CARNS1: variants seen among roughly 807,000 people sequenced by gnomAD.
The protein encoded by CARNS1 is ATP-grasp domain containing 1.
CARNS1 carries 61 observed loss-of-function variants against 74.0 expected under a neutral mutation model. That is an observed-to-expected ratio of 0.82 (90% confidence interval 0.67 to 1.02). The LOEUF is 1.02. Among genes scored for constraint, CARNS1 ranks in the 50% least tolerant of loss-of-function variants. The pLI is 0.00. For missense variants in CARNS1, 1,278 were observed against 1,308.4 expected (o/e 0.98, Z 0.36); for synonymous variants, 568 against 605.5 (o/e 0.94, Z 0.91).
Position 67,416,195 on chromosome 11 carries a change from A to G in CARNS1, c.-5A>G, listed in dbSNP as rs1411062374. ...CATCAGTCTCTCAGCCACTCCACCC[A>G]CGAGATGGTGAGTCTTCTGTGGTCC... On this transcript the variant is annotated 5_prime_UTR_variant, in exon 2 of 10. Transcript: ENST00000687366. 1.8e-5 allele frequency: 27 copies of G among 1,534,376 alleles called. No individual in the cohort carries two copies. Among genetic ancestry groups the G allele is most frequent in the Non-Finnish European group, 2.4e-5 (27 of 1,144,528 alleles).
intron 7 of CARNS1, 111 bp downstream of exon 7, chr11:67,419,949 C>A: frequency 1.9e-6 from 2 of 1,078,808 alleles, no homozygotes; most frequent in Non-Finnish European, 1.4e-6. Context: ...AGGACAAAAT[C>A]CTTAGGGGGG....
In CARNS1 at chr11:67,419,029, G is replaced by A. The variant is rs763988758; in HGVS notation, c.638G>A (p.Arg213Gln). 37 of 1,557,468 alleles carry A rather than the reference G, an allele frequency of 2.4e-5. No individual in the cohort carries two copies. Among genetic ancestry groups the A allele is most frequent in the Admixed American group, 2.1e-4 (11 of 51,964 alleles). Residue 213 changes from arginine to glutamine, a missense_variant, in exon 5 of 10, where the codon CGG (arginine) becomes CAG (glutamine). This residue lies in a region of CARNS1 where 1,164 missense variants were observed against 1,156.5 expected (regional missense o/e 1.01). Coordinates refer to ENST00000687366, the MANE Select transcript of CARNS1 (RefSeq NM_001166222.2). The stretch of plus-strand genomic sequence containing the variant: ...GAGCTGGCCCGGCTGCTGGAGGACC[G>A]GCTGCTGACAAGGCAGTTGCTGGCC... ...SAELARLLED[R>Q]LLTRQLLAQQ...
In CARNS1 at chr11:67,420,790, G is replaced by C. The variant is rs1863674489; in HGVS notation, c.1295G>C (p.Gly432Ala). 10 of 1,234,806 alleles carry C rather than the reference G, an allele frequency of 8.1e-6. No homozygotes were observed. The highest frequency in any genetic ancestry group is 1.0e-5 in the Non-Finnish European group (10 of 991,220). 76.5% of individuals were successfully genotyped at this position (1,234,806 alleles called of 1,614,324 possible). The change falls in exon 8 of 10, where the codon GGC (glycine) becomes GCC (alanine). Residue 432 changes from glycine to alanine, a missense_variant. Gly to Ala is a moderately conservative substitution (Grantham distance 60). Around this residue, in one of 3 missense-constraint regions of CARNS1, gnomAD observed 1,164 missense variants for 1,156.5 expected, o/e 1.01. Coordinates refer to ENST00000687366, the MANE Select transcript of CARNS1 (RefSeq NM_001166222.2). Reference sequence around the variant, plus strand: ...GCCGCCGTGCTGGCTCTGGAGGCCGGCCTGAGTGCCGAGCAGCGCGGCGGG... The same window carrying C: ...GCCGCCGTGCTGGCTCTGGAGGCCGCCCTGAGTGCCGAGCAGCGCGGCGGG... ...ALAAVLALEAGLSAEQRGGRR... is the reference protein window; with the variant it reads ...ALAAVLALEAALSAEQRGGRR...
At chr11:67,419,945 A>T in intron 7 of CARNS1, 107 bp downstream of exon 7, 1 of 1,145,586 alleles carries the variant, frequency 8.7e-7, no homozygotes, top group Non-Finnish European at 1.3e-6. Context: ...AGAGAGGACA[A>T]AATCCTTAGG....
chr11:67,419,295 A>C, intron 5 of CARNS1, 52 bp downstream of exon 5: 1 of 1,467,282 alleles, frequency 6.8e-7, no homozygotes, highest in Non-Finnish European at 9.0e-7. Flanking sequence ...GCAGGATGGG[A>C]CCCAGGCACG....
intron 1 of CARNS1, chr11:67,415,974 C>T (rs1308442617): frequency 7.1e-6 from 4 of 565,216 alleles, no homozygotes; most frequent in Non-Finnish European, 1.3e-5. Context: ...ACCTGTGAGC[C>T]GCACTGGGGC....
At chr11:67,416,683 G>T in intron 2 of CARNS1, 2 of 989,630 alleles carry the variant, frequency 2.0e-6, no homozygotes, top group African/African-American at 3.5e-5. Flanking sequence ...TGCCAGGCCT[G>T]TCCAGGCCTG....
At position 67,418,925 on chromosome 11, in the gene CARNS1, C is replaced by A; in HGVS notation, c.534C>A (p.Gly178=). The change falls in exon 5 of 10, where the codon GGC becomes GGA. Residue 178 remains glycine, a synonymous_variant. Transcript: ENST00000687366. Reference sequence around the variant, plus strand: ...GCCGTGCCACCTACTTTTTGGCAGGCCTGGGCCTGGGGCCTGGCCGGGGCC... The same window carrying A: ...GCCGTGCCACCTACTTTTTGGCAGGACTGGGCCTGGGGCCTGGCCGGGGCC... ...PPRRATYFLA[G]LGLGPGRGRE... is the part of the protein sequence containing the mutation. 1 of 1,585,016 alleles carries A rather than the reference C, an allele frequency of 6.3e-7. No homozygotes were observed. Among genetic ancestry groups the A allele is most frequent in the Non-Finnish European group, 8.6e-7 (1 of 1,165,534 alleles).
intron 8 of CARNS1, 34 bp from the exon 9 acceptor site, chr11:67,420,905 C>A (rs1426300167): frequency 1.5e-6 from 2 of 1,353,880 alleles, no homozygotes; most frequent in Non-Finnish European, 1.9e-6. Context: ...GCGGTGGCTG[C>A]CGTAGCTGAG....
At position 67,418,514 on chromosome 11, in the gene CARNS1, A is replaced by G; in HGVS notation, c.358A>G (p.Ser120Gly). 6.6e-7 allele frequency: 1 copy of G among 1,526,248 alleles called. No homozygotes were observed. Among genetic ancestry groups the G allele is most frequent in the Non-Finnish European group, 8.8e-7 (1 of 1,140,752 alleles). The allele number at this position is 1,526,248 out of a possible 1,614,324, so 94.5% of individuals were successfully genotyped here. Reference sequence around the variant, plus strand: ...TGTGCTGCTGGAGGGTGGGGTCCAGAGCCCGGGTGAGTGTATGCTCAAGTT... The same window carrying G: ...TGTGCTGCTGGAGGGTGGGGTCCAGGGCCCGGGTGAGTGTATGCTCAAGTT... ...LPVLLEGGVQ[S>G]PGNMLLCLSP... The change falls in exon 4 of 10, where the codon AGC becomes GGC. Residue 120 changes from serine (S) to glycine (G), a missense_variant. Coordinates refer to ENST00000687366, the MANE Select transcript of CARNS1 (RefSeq NM_001166222.2).
At position 67,416,255 on chromosome 11, in the gene CARNS1, T is replaced by C. The variant is rs1590956067; in HGVS notation, c.3+53T>C. ...AAGGCCCAAGTCCCTGGGCAGAGAG[T>C]GGGCCCAGAGGACAGCAGGCAGCAC... On this transcript the variant is annotated intron_variant, in intron 2 of 9. Coordinates refer to ENST00000687366, the MANE Select transcript of CARNS1 (RefSeq NM_001166222.2). 3.9e-6 allele frequency: 6 copies of C among 1,536,260 alleles called. No homozygotes were observed. The East Asian group carries it at 1.2e-4, about 31-fold the overall frequency.
At position 67,419,067 on chromosome 11, in the gene CARNS1, G is replaced by A; in HGVS notation, c.676G>A (p.Val226Met). The A allele has an allele frequency of 6.4e-7, 1 of 1,561,816 alleles. No homozygotes were observed. Among genetic ancestry groups the A allele is most frequent in the Non-Finnish European group, 8.7e-7 (1 of 1,154,310 alleles). The change falls in exon 5 of 10, where the codon GTG becomes ATG. Residue 226 changes from valine (V) to methionine (M), a missense_variant. This residue lies in a region of CARNS1 where 1,164 missense variants were observed against 1,156.5 expected (regional missense o/e 1.01). Coordinates refer to ENST00000687366, the MANE Select transcript of CARNS1 (RefSeq NM_001166222.2). ...TRQLLAQQGG[V>M]AVPATLAFTY... ...GCAGTTGCTGGCCCAGCAGGGTGGT[G>A]TGGCTGTGCCAGCAACCCTGGCTTT...
chr11:67,418,867 G>A lies in CARNS1; in HGVS notation c.476G>A (p.Gly159Asp). The part of the protein sequence containing the change: ...VSKAVSFHPG[G>D]LTFLDDFVPP... ...AAGGCTGTGAGCTTCCACCCTGGGG[G>A]CCTGACATTCCTGGATGACTTTGTC... Residue 159 changes from glycine (G) to aspartate (D), a missense_variant, in exon 5 of 10, where the codon GGC becomes GAC. Coordinates refer to ENST00000687366, the MANE Select transcript of CARNS1 (RefSeq NM_001166222.2). 6.2e-7 allele frequency: 1 copy of A among 1,600,690 alleles called. No individual in the cohort carries two copies. The highest frequency in any genetic ancestry group is 8.5e-7 in the Non-Finnish European group (1 of 1,173,894).
chr11:67,422,091 C>T (rs1437025363), intron 9 of CARNS1, among the ~76,000 whole-genome samples: 1 of 149,960 alleles, frequency 6.7e-6, no homozygotes, highest in Non-Finnish European at 1.5e-5. Context: ...CCAGGATGGT[C>T]TCGATCTCCT....
intron 9 of CARNS1, 36 bp downstream of exon 9, chr11:67,421,255 C>T: frequency 2.1e-6 from 3 of 1,434,874 alleles, no homozygotes; most frequent in South Asian, 1.4e-5. Flanking sequence ...GGCCCCAGGT[C>T]CTGGCCCGAG....
chr11:67,417,294 G>A, intron 2 of CARNS1, 113 bp from the exon 3 acceptor site: 4 of 1,247,016 alleles, frequency 3.2e-6, no homozygotes, highest in Non-Finnish European at 4.0e-6. Flanking sequence ...CCCCGGGACG[G>A]TGTCAGCCCT....
chr11:67,419,151 G>C lies in CARNS1; in HGVS notation c.760G>C (p.Val254Leu). The change falls in exon 5 of 10, where the codon GTG (valine) becomes CTG (leucine). Residue 254 changes from valine (V) to leucine (L), a missense_variant. Val to Leu is a conservative substitution (Grantham distance 32, BLOSUM62 1). Coordinates refer to ENST00000687366, the MANE Select transcript of CARNS1 (RefSeq NM_001166222.2). ...GGDASLGLRL[V>L]ELSGKEGQET... ...GGATGCCAGCCTAGGGCTACGGCTG[G>C]TGGAGCTGAGTGGCAAAGAGGGCCA... The C allele has an allele frequency of 6.4e-7, 1 of 1,559,796 alleles. No homozygotes were observed. Among genetic ancestry groups the C allele is most frequent in the Non-Finnish European group, 8.7e-7 (1 of 1,149,376 alleles).
chr11:67,420,687 G>T lies in CARNS1; in HGVS notation c.1192G>T (p.Ala398Ser). The change falls in exon 8 of 10, where the codon GCC becomes TCC. Residue 398 changes from alanine to serine, a missense_variant. This residue lies in a region of CARNS1 where 1,164 missense variants were observed against 1,156.5 expected (regional missense o/e 1.01). Transcript: ENST00000687366. ...SLPRTLEVAL[A>S]QCGLGEEAQV... ...GCCGAGGACGCTGGAGGTGGCGCTGGCCCAGTGCGGCCTGGGCGAGGAGGC... is the reference window on the plus strand; with the variant it reads ...GCCGAGGACGCTGGAGGTGGCGCTGTCCCAGTGCGGCCTGGGCGAGGAGGC... 7.9e-7 allele frequency: 1 copy of T among 1,265,380 alleles called. No individual in the cohort carries two copies. Among genetic ancestry groups the T allele is most frequent in the South Asian group, 3.1e-5 (1 of 31,912 alleles). 78.4% of individuals were successfully genotyped at this position (1,265,380 alleles called of 1,614,324 possible). A position where few individuals can be genotyped will look rare whatever the true frequency, so the allele number is the denominator to read the frequency against.
Position 67,424,347 on chromosome 11 carries a change from T to C in CARNS1, c.2599T>C (p.Ser867Pro). 1 of 1,606,972 alleles carries C rather than the reference T, an allele frequency of 6.2e-7. No homozygotes were observed. The highest frequency in any genetic ancestry group is 8.5e-7 in the Non-Finnish European group (1 of 1,177,088). The part of the protein sequence containing the change: ...GHLVGVMCLV[S>P]QHLQALSSTA... ...TCTGGTGGGCGTCATGTGCCTTGTG[T>C]CCCAGCACCTGCAGGCCCTGAGTTC... The change falls in exon 10 of 10, where the codon TCC becomes CCC. Residue 867 changes from serine (S) to proline (P), a missense_variant. Ser to Pro is a moderately conservative substitution (Grantham distance 74). Around this residue, in one of 3 missense-constraint regions of CARNS1, gnomAD observed 1,164 missense variants for 1,156.5 expected, o/e 1.01. Transcript: ENST00000687366.
Sources: gnomAD v4.1 joint callset for allele counts (sites outside exome capture counted in the v4.1 genomes callset) on GRCh38, gnomAD v4.1.1 for gene constraint, gnomAD v4.1.1 regional missense constraint, MANE v1.5 for transcripts, NCBI Gene and HGNC (gene_info 2026-07-23, HGNC 2026-07-21) for gene names.